The following CALCR variants were observed in gnomAD, a reference collection of about 807,000 sequenced individuals.
CALCR encodes the protein calcitonin receptor.
A neutral mutation model predicts 59.5 loss-of-function variants in CALCR; 47 were observed. That is an observed-to-expected ratio of 0.79 (90% CI 0.63 to 1.01). The LOEUF (loss-of-function observed/expected upper bound fraction) is 1.01. Ranked by LOEUF, CALCR falls within the 50% of genes least tolerant of loss-of-function variation. The probability of loss-of-function intolerance (pLI) is 0.00; values close to 1 mark genes in which losing one functional copy is unlikely to be tolerated. For synonymous variants in CALCR, 213 were observed against 211.3 expected, an observed-to-expected ratio of 1.01 and a Z score of -0.07; for missense variants, 566 against 597.1, an observed-to-expected ratio of 0.95 and a Z score of 0.54.
chr7:93,447,614 C>A (rs1224323153), intron 8 of CALCR, among the ~76,000 whole-genome samples: 1 of 151,876 alleles, frequency 6.6e-6, no homozygotes, highest in Non-Finnish European at 1.5e-5. Context: ...CAACGAAAAG[C>A]AATGATCATG....
intron 5 of CALCR, among the ~76,000 whole-genome samples, chr7:93,476,428 T>A (rs984879974): frequency 6.6e-6 from 1 of 151,828 alleles, no homozygotes; most frequent in Non-Finnish European, 1.5e-5. Context: ...AAGTTTGGTA[T>A]GTGTGTGTAT....
chr7:93,529,933 T>G (rs933205234), intron 2 of CALCR, among the ~76,000 whole-genome samples: 3 of 152,204 alleles, frequency 2.0e-5, no homozygotes, highest in African/African-American at 7.2e-5. Context: ...CTTACAAATA[T>G]CACTATTTCT....
In CALCR at chr7:93,504,842, A is replaced by G. The variant is rs115224552; in HGVS notation, c.-26-17835T>C. ...CACTTTGGTAATAATTGTGACTGAC[A>G]TCTCCAAGTTCTATCTAAAGCAGAC... On this transcript the variant is annotated intron_variant, in intron 2 of 13. Transcript: ENST00000426151. Among the ~76,000 whole-genome samples, 1,074 of 152,286 alleles carry G rather than the reference A, an allele frequency of 7.1e-3. 7 individuals are homozygous for G. The highest frequency in any genetic ancestry group is 0.024 in the African/African-American group (1,008 of 41,554).
intron 2 of CALCR, among the ~76,000 whole-genome samples, chr7:93,569,110 C>T (rs73223659): frequency 0.025 from 3,856 of 151,690 alleles, 75 homozygotes; most frequent in Admixed American, 0.046. Flanking sequence ...AACAAGGAGG[C>T]CCTAATTGAT....
chr7:93,500,626 A>C (rs1801302435), intron 2 of CALCR, among the ~76,000 whole-genome samples: 1 of 152,022 alleles, frequency 6.6e-6, no homozygotes, highest in Admixed American at 6.6e-5. Context: ...GTGGGGTAGA[A>C]TGAAGCAGAG....
intron 4 of CALCR, among the ~76,000 whole-genome samples, chr7:93,478,379 T>C (rs1584567965): frequency 6.6e-6 from 1 of 151,832 alleles, no homozygotes; most frequent in Non-Finnish European, 1.5e-5. Flanking sequence ...ACCATTTTTT[T>C]CCCTACCAAG....
At chr7:93,528,767 G>A (rs1219301585) in intron 2 of CALCR, among the ~76,000 whole-genome samples, 1 of 152,126 alleles carries the variant, frequency 6.6e-6, no homozygotes, top group Admixed American at 6.6e-5. Context: ...TCCTAAAGTT[G>A]AAGTTCCATA....
chr7:93,544,230 C>G (rs993402197), intron 2 of CALCR, among the ~76,000 whole-genome samples: 2 of 151,720 alleles, frequency 1.3e-5, no homozygotes, highest in African/African-American at 2.4e-5. Flanking sequence ...TCTTCTGATA[C>G]CAAATATTAA....
intron 8 of CALCR, among the ~76,000 whole-genome samples, chr7:93,458,399 G>A (rs1363012119): frequency 6.6e-6 from 1 of 152,134 alleles, no homozygotes; most frequent in Non-Finnish European, 1.5e-5. Flanking sequence ...CAGTTAAGCA[G>A]AGAAACAAAA....
At chr7:93,447,608 G>A (rs962232653) in intron 8 of CALCR, among the ~76,000 whole-genome samples, 6 of 151,872 alleles carry the variant, frequency 4.0e-5, no homozygotes, top group Admixed American at 2.0e-4. Context: ...TGGAAACAAC[G>A]AAAAGCAATG....
chr7:93,460,554 TAAAAAA>T (rs71537257), intron 8 of CALCR, among the ~76,000 whole-genome samples: 2 of 79,304 alleles, frequency 2.5e-5, no homozygotes, highest in African/African-American at 1.6e-4. Context: ...AGACTCTATC[TAAAAAA>T]AAAAAAAAAA....
chr7:93,486,594 T>C (rs567025818), intron 3 of CALCR, among the ~76,000 whole-genome samples: 13 of 151,604 alleles, frequency 8.6e-5, no homozygotes, highest in Non-Finnish European at 1.5e-4. Context: ...ATTCAAAACA[T>C]AGTTTTTTCA....
chr7:93,560,768 G>C (rs1477326564), intron 2 of CALCR, among the ~76,000 whole-genome samples: 1 of 152,134 alleles, frequency 6.6e-6, no homozygotes, highest in African/African-American at 2.4e-5. Context: ...GGATAGTGAA[G>C]ATAAAGTTTG....
At chr7:93,535,213 T>A (rs886916590) in intron 2 of CALCR, among the ~76,000 whole-genome samples, 1 of 151,766 alleles carries the variant, frequency 6.6e-6, no homozygotes, top group Non-Finnish European at 1.5e-5. Context: ...TTTATACTTA[T>A]GCTCTAGTTC....
At chr7:93,507,893 A>C (rs921686798) in intron 2 of CALCR, among the ~76,000 whole-genome samples, 1 of 151,788 alleles carries the variant, frequency 6.6e-6, no homozygotes, top group African/African-American at 2.4e-5. Context: ...ACTACACTCC[A>C]TCCTGGGTGA....
At chr7:93,441,708 C>T (rs2115720645) in intron 9 of CALCR, among the ~76,000 whole-genome samples, 1 of 152,224 alleles carries the variant, frequency 6.6e-6, no homozygotes, top group South Asian at 2.1e-4. Context: ...AAACAGGGTG[C>T]AGCGCTGCTC....
At chr7:93,440,624 G>A (rs573301350) in intron 9 of CALCR, among the ~76,000 whole-genome samples, 1 of 151,854 alleles carries the variant, frequency 6.6e-6, no homozygotes, top group Admixed American at 6.6e-5. Flanking sequence ...GAACTATTTG[G>A]TTGACTATCT....
intron 3 of CALCR, among the ~76,000 whole-genome samples, chr7:93,486,497 A>T (rs1434793843): frequency 6.6e-6 from 1 of 151,544 alleles, no homozygotes; most frequent in Admixed American, 6.6e-5. Flanking sequence ...AAGAGTTCAG[A>T]AGTTTTAAAA....
At chr7:93,474,228 G>T (rs937313452) in intron 5 of CALCR, among the ~76,000 whole-genome samples, 2 of 151,594 alleles carry the variant, frequency 1.3e-5, no homozygotes, top group Admixed American at 1.3e-4. Context: ...GTAAAAAGTG[G>T]TCAGAATGGT....
Sources: allele counts gnomAD v4.1 joint callset (sites outside exome capture counted in the v4.1 genomes callset), GRCh38; gene constraint gnomAD v4.1.1; transcripts MANE v1.5; gene names NCBI Gene and HGNC (gene_info 2026-07-23, HGNC 2026-07-21).